Variants in TPRG1 observed in about 807,000 individuals in gnomAD.
TPRG1 encodes the protein tumor protein p63 regulated 1.
Under a neutral mutation model 29.3 loss-of-function variants are expected in TPRG1, and 29 were observed. That is an observed-to-expected ratio of 0.99 (90% CI 0.74 to 1.35). TPRG1 has a LOEUF of 1.35. Ranked by LOEUF, TPRG1 falls within the 40% of genes most tolerant of loss-of-function variation. TPRG1 has a pLI of 0.00. For synonymous variants in TPRG1, 130 were observed against 116.8 expected (o/e 1.11, Z -0.73); for missense variants, 327 against 335.0 (o/e 0.98, Z 0.19).
chr3:189,056,617 A>T (rs1296965056), intron 4 of TPRG1, among the ~76,000 whole-genome samples: 1 of 152,176 alleles, frequency 6.6e-6, no homozygotes, highest in East Asian at 1.9e-4. Flanking sequence ...TTCCCCTGCC[A>T]GTTTACAAGT....
intron 4 of TPRG1, among the ~76,000 whole-genome samples, chr3:189,029,024 A>AT (rs1157547771): frequency 6.7e-6 from 1 of 148,246 alleles, no homozygotes; most frequent in Non-Finnish European, 1.5e-5. Context: ...AGTGTTTTCA[A>AT]TAAAAAAAAA....
intron 1 of TPRG1, among the ~76,000 whole-genome samples, chr3:189,176,059 AG>A (rs1265295195): frequency 2.0e-5 from 3 of 152,230 alleles, no homozygotes; most frequent in East Asian, 3.8e-4. Flanking sequence ...ACAGCATTCC[AG>A]GTGGGTGAAG....
rs146679451 is a variant in TPRG1, at chr3:189,111,570, G to C, written c.-744+11366G>C. Among the ~76,000 whole-genome samples, 42 of 152,164 alleles carry C rather than the reference G, an allele frequency of 2.8e-4. No individual in the cohort carries two copies. In the East Asian group the frequency reaches 7.5e-3, roughly 27 times the overall value. ...AACAAATCTTGTCTAATAATTGTTA[G>C]CCAGGGACCATCTGCTATGTTGCCA... On this transcript the variant is annotated intron_variant, in intron 1 of 6. Transcript: ENST00000412373.
intron 1 of TPRG1, among the ~76,000 whole-genome samples, chr3:189,201,703 G>A (rs527293599): frequency 9.9e-5 from 15 of 152,104 alleles, no homozygotes; most frequent in African/African-American, 3.4e-4. Flanking sequence ...AGGCTGGAGT[G>A]CAGTAGTGTG....
At chr3:189,075,606 C>G (rs143715318) in intron 4 of TPRG1, among the ~76,000 whole-genome samples, 329 of 152,310 alleles carry the variant, frequency 2.2e-3, no homozygotes, top group African/African-American at 7.6e-3. Flanking sequence ...CTATCTCCCC[C>G]TATCCCCAGT....
At chr3:189,178,740 T>C (rs1210649400) in intron 1 of TPRG1, among the ~76,000 whole-genome samples, 1 of 152,240 alleles carries the variant, frequency 6.6e-6, no homozygotes, top group Non-Finnish European at 1.5e-5. Flanking sequence ...CATGGTTCTC[T>C]TCACTGCCTT....
intron 3 of TPRG1, among the ~76,000 whole-genome samples, chr3:189,009,113 A>G (rs1209900138): frequency 6.6e-6 from 1 of 152,076 alleles, no homozygotes; most frequent in Non-Finnish European, 1.5e-5. Flanking sequence ...AAATCAATGA[A>G]TGCATTCTGG....
chr3:189,209,703 C>G (rs943902966), intron 2 of TPRG1, among the ~76,000 whole-genome samples: 3 of 152,198 alleles, frequency 2.0e-5, no homozygotes, highest in Admixed American at 2.0e-4. Flanking sequence ...AAGTCCAATA[C>G]TTTCCTGACC....
At chr3:189,221,412 A>G (rs1736920784) in intron 3 of TPRG1, among the ~76,000 whole-genome samples, 1 of 152,128 alleles carries the variant, frequency 6.6e-6, no homozygotes, top group Non-Finnish European at 1.5e-5. Flanking sequence ...AAGATTCCAC[A>G]CGTGCCTCAG....
intron 4 of TPRG1, among the ~76,000 whole-genome samples, chr3:189,283,400 G>A (rs999220148): frequency 2.0e-5 from 3 of 152,098 alleles, no homozygotes; most frequent in African/African-American, 4.8e-5. Flanking sequence ...AAAAGGCAAT[G>A]TGTCATCTCT....
chr3:189,216,251 C>G (rs929550052), intron 3 of TPRG1, among the ~76,000 whole-genome samples: 1 of 152,148 alleles, frequency 6.6e-6, no homozygotes, highest in African/African-American at 2.4e-5. Flanking sequence ...AAGGGTTCAG[C>G]AGAGAAGCTC....
chr3:189,172,321 T>G (rs1728910598), intron 1 of TPRG1, among the ~76,000 whole-genome samples, 190 bp downstream of exon 1: 2 of 150,206 alleles, frequency 1.3e-5, no homozygotes, highest in African/African-American at 5.0e-5. Context: ...TGATGAGGCT[T>G]GTAGGCTAGC....
At chr3:189,062,108 A>G (rs1260445776) in intron 4 of TPRG1, among the ~76,000 whole-genome samples, 1 of 152,246 alleles carries the variant, frequency 6.6e-6, no homozygotes, top group African/African-American at 2.4e-5. Flanking sequence ...GTGCAGCCAT[A>G]TAAAAGAACA....
chr3:189,105,938 C>A (rs984729748), intron 1 of TPRG1, among the ~76,000 whole-genome samples: 15 of 151,932 alleles, frequency 9.9e-5, no homozygotes, highest in Non-Finnish European at 1.3e-4. Flanking sequence ...ATAGCTAATG[C>A]ATGCTGGGGT....
chr3:189,033,033 T>C (rs759359782), intron 4 of TPRG1, among the ~76,000 whole-genome samples: 2 of 151,984 alleles, frequency 1.3e-5, no homozygotes, highest in African/African-American at 2.4e-5. Context: ...GACAGCTGGA[T>C]AGAAGAAAAA....
At chr3:189,294,289 C>G (rs1719507261) in intron 4 of TPRG1, among the ~76,000 whole-genome samples, 1 of 152,060 alleles carries the variant, frequency 6.6e-6, no homozygotes, top group Non-Finnish European at 1.5e-5. Flanking sequence ...TATGGAAGAT[C>G]CTATGGGGAA....
At chr3:189,298,995 C>T (rs911408262) in intron 4 of TPRG1, among the ~76,000 whole-genome samples, 3 of 152,000 alleles carry the variant, frequency 2.0e-5, no homozygotes, top group African/African-American at 7.2e-5. Flanking sequence ...GTATGTATTC[C>T]AGACCATCTA....
chr3:189,143,068 A>G (rs981690724), intron 3 of TPRG1, among the ~76,000 whole-genome samples: 1 of 152,258 alleles, frequency 6.6e-6, no homozygotes, highest in Admixed American at 6.5e-5. Context: ...GTATTACTAA[A>G]TAAGAGATTT....
At chr3:189,097,740 G>GT (rs1425229089), upstream of TPRG1, among the ~76,000 whole-genome samples, 1 of 152,126 alleles carries the variant, frequency 6.6e-6, no homozygotes, top group Non-Finnish European at 1.5e-5. Flanking sequence ...ACCTGCTGTT[G>GT]TTTTTGCACA....
Sources: gnomAD v4.1 joint callset for allele counts (sites outside exome capture counted in the v4.1 genomes callset) on GRCh38, gnomAD v4.1.1 for gene constraint, MANE v1.5 for transcripts, NCBI Gene and HGNC (gene_info 2026-07-23, HGNC 2026-07-21) for gene names.